Variants in CHST13 observed in about 807,000 individuals in gnomAD.
CHST13 encodes carbohydrate sulfotransferase 13.
In CHST13, 1 loss-of-function variant was observed where a neutral mutation model predicts 7.0. The ratio of observed to expected loss-of-function variants is 0.14; its 90% CI spans 0.05 to 0.68. The LOEUF (loss-of-function observed/expected upper bound fraction) is 0.68, where lower values mean the gene tolerates loss of function less well. Among genes scored for constraint, CHST13 ranks in the 30% least tolerant of loss-of-function variants. The probability of loss-of-function intolerance (pLI) is 0.82; values close to 1 mark genes in which losing one functional copy is unlikely to be tolerated. For synonymous variants in CHST13, 257 were observed against 240.9 expected (o/e 1.07, Z -0.62); for missense variants, 572 against 507.9 (o/e 1.13, Z -1.21).
At chr3:126,530,383 C>T (rs567165383) in intron 1 of CHST13, among the ~76,000 whole-genome samples, 258 of 152,348 alleles carry the variant, frequency 1.7e-3, no homozygotes, top group African/African-American at 5.5e-3. Flanking sequence ...CTGGCGTTTC[C>T]GGAAGGCTGG....
chr3:126,539,186 C>T (rs1287053581), intron 2 of CHST13, among the ~76,000 whole-genome samples: 1 of 152,156 alleles, frequency 6.6e-6, no homozygotes, highest in Non-Finnish European at 1.5e-5. Context: ...CCACCTACTC[C>T]CACCTGGGAT....
Position 126,542,418 on chromosome 3 carries a change from C to T in CHST13, c.866C>T (p.Pro289Leu). ...GCGGGCGCATCCGACCTGAGCTTCCCTGGGCCGCCGCGGCCCCGGGGAGCC... is the reference window on the plus strand; with the variant it reads ...GCGGGCGCATCCGACCTGAGCTTCCTTGGGCCGCCGCGGCCCCGGGGAGCC... ...GLAGASDLSF[P>L]GPPRPRGAAA... is the part of the protein sequence containing the mutation. The change falls in exon 3 of 3, where the codon CCT becomes CTT. Residue 289 changes from proline (P) to leucine (L), a missense_variant. Pro to Leu is a moderately conservative substitution (Grantham distance 98). Transcript: ENST00000319340. The T allele has an allele frequency of 6.4e-7, 1 of 1,553,974 alleles. No individual in the cohort carries two copies. The highest frequency in any genetic ancestry group is 8.7e-7 in the Non-Finnish European group (1 of 1,152,430).
In CHST13 at chr3:126,524,361, TG is replaced by T; in HGVS notation, c.30del (p.Leu11TrpfsTer67). On this transcript the variant is annotated frameshift_variant, in exon 1 of 3. Transcript: ENST00000319340. LOFTEE classifies it high-confidence loss of function. ...GGGAGGCGCTGCTGCCGGCGGCGCG[TG>T]CTGGCGGCCGCCTGTCTGGGCGCCG... MGRRCCRRR[V>X]LAAACLGAAL... is the part of the protein sequence containing the mutation. The T allele has an allele frequency of 8.1e-7, 1 of 1,235,790 alleles. No individual in the cohort carries two copies. The highest frequency in any genetic ancestry group is 1.0e-6 in the Non-Finnish European group (1 of 990,080). The allele number at this position is 1,235,790 out of a possible 1,614,324, so 76.6% of individuals were successfully genotyped here. A position where few individuals can be genotyped will look rare whatever the true frequency, so the allele number is the denominator to read the frequency against.
intron 1 of CHST13, among the ~76,000 whole-genome samples, chr3:126,524,772 G>T (rs1203137014): frequency 6.6e-6 from 1 of 152,166 alleles, no homozygotes; most frequent in Non-Finnish European, 1.5e-5. Context: ...CTTCCCCTGC[G>T]CACCCCACGG....
chr3:126,528,754 T>C (rs998934112), intron 1 of CHST13, among the ~76,000 whole-genome samples: 2 of 152,074 alleles, frequency 1.3e-5, no homozygotes, highest in Non-Finnish European at 2.9e-5. Flanking sequence ...AAATGGAGTT[T>C]GAACTAAATA....
intron 2 of CHST13, 57 bp downstream of exon 2, chr3:126,536,410 G>C (rs1275173434): frequency 7.3e-7 from 1 of 1,371,418 alleles, no homozygotes; most frequent in African/African-American, 1.4e-5. Context: ...CCAGGAGCCT[G>C]ACAGCAACAG....
In CHST13 at chr3:126,542,303, C is replaced by T; in HGVS notation, c.751C>T (p.His251Tyr). 1 of 1,567,814 alleles carries T rather than the reference C, an allele frequency of 6.4e-7. No individual in the cohort carries two copies. The highest frequency in any genetic ancestry group is 8.6e-7 in the Non-Finnish European group (1 of 1,161,066). Residue 251 changes from histidine to tyrosine, a missense_variant, in exon 3 of 3, where the codon CAC (histidine) becomes TAC (tyrosine). Coordinates refer to ENST00000319340, the MANE Select transcript of CHST13 (RefSeq NM_152889.3). ...CTTCAACGAGCACTGGGAGCGCGCGCACGCGCTCTGCCACCCGTGTCGCCT... is the reference window on the plus strand; with the variant it reads ...CTTCAACGAGCACTGGGAGCGCGCGTACGCGCTCTGCCACCCGTGTCGCCT... ...EPFNEHWERA[H>Y]ALCHPCRLRY...
intron 2 of CHST13, among the ~76,000 whole-genome samples, 167 bp downstream of exon 2, chr3:126,536,520 T>C (rs1409750123): frequency 6.6e-6 from 1 of 152,112 alleles, no homozygotes; most frequent in African/African-American, 2.4e-5. Context: ...GGGCAAATCT[T>C]GGGGGTAAGA....
intron 2 of CHST13, among the ~76,000 whole-genome samples, chr3:126,539,006 A>G (rs1012668701): frequency 6.6e-6 from 1 of 152,172 alleles, no homozygotes; most frequent in Non-Finnish European, 1.5e-5. Flanking sequence ...GACATGCTCT[A>G]GGCGTGTAAG....
chr3:126,541,634 G>C (rs1487496364), intron 2 of CHST13, 99 bp from the exon 3 acceptor site: 1 of 1,187,218 alleles, frequency 8.4e-7, no homozygotes, highest in African/African-American at 1.6e-5. Flanking sequence ...CGCAGCTCCT[G>C]CTCCCAATTC....
intron 1 of CHST13, among the ~76,000 whole-genome samples, chr3:126,535,661 G>A (rs1454028685): frequency 2.0e-5 from 3 of 152,228 alleles, no homozygotes; most frequent in African/African-American, 4.8e-5. Flanking sequence ...GTCCTCAGCT[G>A]GAGACAGACA....
At chr3:126,536,203 G>C (rs1211829112) in intron 1 of CHST13, 68 bp from the exon 2 acceptor site, 1 of 1,393,314 alleles carries the variant, frequency 7.2e-7, no homozygotes, top group Non-Finnish European at 1.0e-6. Context: ...TAGATGGGTT[G>C]GCCAAACCCC....
At chr3:126,539,957 T>TGCCACACACAC (rs1936918757) in intron 2 of CHST13, among the ~76,000 whole-genome samples, 1 of 13,634 alleles carries the variant, frequency 7.3e-5, no homozygotes, top group African/African-American at 2.7e-4. Context: ...CTGCCACACA[T>TGCCACACACAC]GCCACACACA....
chr3:126,528,228 G>A (rs548207816), intron 1 of CHST13, among the ~76,000 whole-genome samples: 1 of 152,110 alleles, frequency 6.6e-6, no homozygotes, highest in South Asian at 2.1e-4. Context: ...AGTCTTGAAT[G>A]GGATGCTAGG....
Position 126,542,552 on chromosome 3 carries a change from G to A in CHST13, c.1000G>A (p.Ala334Thr). ...GGACTTCCTGCTTTTCAACTACTCC[G>A]CCCCCTCCTACCTGCGGCTGCTCTA... ...KMDFLLFNYS[A>T]PSYLRLL is the part of the protein sequence containing the mutation. The change falls in exon 3 of 3, where the codon GCC (alanine) becomes ACC (threonine). Residue 334 changes from alanine (A) to threonine (T), a missense_variant. Ala to Thr is a moderately conservative substitution (Grantham distance 58). Transcript: ENST00000319340. 1 of 1,514,110 alleles carries A rather than the reference G, an allele frequency of 6.6e-7. No homozygotes were observed. Among genetic ancestry groups the A allele is most frequent in the African/African-American group, 1.4e-5 (1 of 69,290 alleles). 93.8% of individuals were successfully genotyped at this position (1,514,110 alleles called of 1,614,324 possible).
chr3:126,529,931 AG>A (rs1936616883), intron 1 of CHST13, among the ~76,000 whole-genome samples: 1 of 152,102 alleles, frequency 6.6e-6, no homozygotes, highest in South Asian at 2.1e-4. Context: ...TCCCCTTGGC[AG>A]GGGGTGGCAG....
chr3:126,530,693 C>T (rs966290947), intron 1 of CHST13, among the ~76,000 whole-genome samples: 1 of 152,272 alleles, frequency 6.6e-6, no homozygotes, highest in Non-Finnish European at 1.5e-5. Context: ...ACCAGCATGA[C>T]CAGCCAACAT....
intron 2 of CHST13, among the ~76,000 whole-genome samples, chr3:126,539,299 A>C (rs1005733582): frequency 2.6e-5 from 4 of 151,788 alleles, no homozygotes; most frequent in Non-Finnish European, 5.9e-5. Flanking sequence ...AACGTTTTTT[A>C]TTTCTTTCCC....
intron 1 of CHST13, chr3:126,527,395 C>A (rs1338039142): frequency 2.0e-5 from 3 of 152,306 alleles, no homozygotes; most frequent in Non-Finnish European, 2.9e-5. Context: ...CAGATCACAC[C>A]TCCAGCTGTG....
Sources: allele counts gnomAD v4.1 joint callset (sites outside exome capture counted in the v4.1 genomes callset), GRCh38; gene constraint gnomAD v4.1.1; transcripts MANE v1.5; gene names NCBI Gene and HGNC (gene_info 2026-07-23, HGNC 2026-07-21).